Variants in GLI2 observed in about 807,000 individuals in gnomAD.
GLI2 encodes the protein GLI family zinc finger 2.
In GLI2, 22 loss-of-function variants were observed where a neutral mutation model predicts 78.9. The observed-to-expected ratio is 0.28, with a 90% CI of 0.20 to 0.40. The LOEUF (loss-of-function observed/expected upper bound fraction) is 0.40, where lower values mean the gene tolerates loss of function less well. Ranked by LOEUF, GLI2 falls within the 10% of genes least tolerant of loss-of-function variation. The pLI, the probability that GLI2 is intolerant of heterozygous loss-of-function variation, is 1.00. For synonymous variants in GLI2, 974 were observed against 963.7 expected, an observed-to-expected ratio of 1.01 and a Z score of -0.20; for missense variants, 2,097 against 2,213.2, an observed-to-expected ratio of 0.95 and a Z score of 1.05.
intron 2 of GLI2, among the ~76,000 whole-genome samples, chr2:120,844,011 A>C (rs995234960): frequency 1.2e-4 from 18 of 152,062 alleles, no homozygotes; most frequent in African/African-American, 4.3e-4. Flanking sequence ...CCCCGGCAGG[A>C]CCCATCTCTC....
intron 2 of GLI2, among the ~76,000 whole-genome samples, chr2:120,917,020 C>T (rs895021986): frequency 1.2e-4 from 18 of 152,152 alleles, no homozygotes; most frequent in Non-Finnish European, 2.1e-4. Flanking sequence ...TAGGAGAGAG[C>T]AGAGTCTTGC....
intron 5 of GLI2, among the ~76,000 whole-genome samples, chr2:120,955,663 G>T (rs1681226227): frequency 6.6e-6 from 1 of 152,206 alleles, no homozygotes; most frequent in Non-Finnish European, 1.5e-5. Context: ...AAACAAAGCT[G>T]GAACTTACAG....
intron 2 of GLI2, among the ~76,000 whole-genome samples, chr2:120,877,497 G>A (rs924054087): frequency 2.0e-5 from 3 of 152,128 alleles, no homozygotes; most frequent in East Asian, 3.9e-4. Flanking sequence ...ACCATGAGCC[G>A]AAGCCCCCCT....
chr2:120,964,777 T>G (rs1006698307), intron 5 of GLI2, among the ~76,000 whole-genome samples: 1 of 152,204 alleles, frequency 6.6e-6, no homozygotes, highest in African/African-American at 2.4e-5. Context: ...CCACTGAAAG[T>G]GGGAGGTCGA....
At position 120,939,884 on chromosome 2, in the gene GLI2, A is replaced by C. The variant is rs899954444; in HGVS notation, c.255-11359A>C. Among the ~76,000 whole-genome samples, 8 of 152,356 alleles carry C rather than the reference A, an allele frequency of 5.3e-5. No individual in the cohort carries two copies. In the South Asian group the frequency reaches 1.7e-3, roughly 32 times the overall value. On this transcript the variant is annotated intron_variant, in intron 3 of 13. Transcript: ENST00000361492. ...TTTGCTAACACTCACTCCCACCAGC[A>C]GAGTTTGAGAGCTGGCCTTGCCCTG...
At chr2:120,849,327 T>C (rs1164253369) in intron 2 of GLI2, among the ~76,000 whole-genome samples, 2 of 152,206 alleles carry the variant, frequency 1.3e-5, no homozygotes, top group African/African-American at 4.8e-5. Context: ...TCTTATGTTA[T>C]ATATATTTTA....
At chr2:120,764,600 G>A (rs1683313627) in intron 1 of GLI2, among the ~76,000 whole-genome samples, 1 of 152,184 alleles carries the variant, frequency 6.6e-6, no homozygotes, top group African/African-American at 2.4e-5. Context: ...TTGTAGAAGG[G>A]AACAGGGTTG....
chr2:120,968,670 C>CCA, intron 5 of GLI2, 44 bp from the exon 6 acceptor site: 1 of 1,381,716 alleles, frequency 7.2e-7, no homozygotes, highest in Non-Finnish European at 1.0e-6. Flanking sequence ...CCCCCTCCCC[C>CCA]ATCCCCAGTG....
At position 120,837,135 on chromosome 2, in the gene GLI2, C is replaced by T. The variant is rs188055068; in HGVS notation, c.148+39667C>T. Reference sequence around the variant, plus strand: ...TTAGGCCGGGCGCGGTGGCTCACGCCTGTAATCCCAGCACTTTGGGAGGCC... The same window carrying T: ...TTAGGCCGGGCGCGGTGGCTCACGCTTGTAATCCCAGCACTTTGGGAGGCC... On this transcript the variant is annotated intron_variant, in intron 2 of 13. Transcript: ENST00000361492. 2.2e-3 allele frequency among the ~76,000 whole-genome samples: 333 copies of T among 152,294 alleles called. 2 individuals carry two copies. The highest frequency in any genetic ancestry group is 7.5e-3 in the African/African-American group (311 of 41,548).
chr2:120,849,444 A>G (rs1687297416), intron 2 of GLI2, among the ~76,000 whole-genome samples: 1 of 151,686 alleles, frequency 6.6e-6, no homozygotes, highest in Admixed American at 6.6e-5. Context: ...GCCAATAGTG[A>G]TGATGATGAT....
intron 1 of GLI2, among the ~76,000 whole-genome samples, chr2:120,764,012 A>G (rs1390975515): frequency 2.0e-5 from 3 of 152,078 alleles, no homozygotes; most frequent in Non-Finnish European, 4.4e-5. Context: ...GAACTTTCCT[A>G]CCGGGTCCCA....
intron 3 of GLI2, among the ~76,000 whole-genome samples, chr2:120,930,505 TG>T (rs1679899312): frequency 6.6e-6 from 1 of 152,204 alleles, no homozygotes; most frequent in African/African-American, 2.4e-5. Flanking sequence ...GTATGGACCA[TG>T]GGTCCCTCTG....
At chr2:120,837,160 C>T (rs566482206) in intron 2 of GLI2, among the ~76,000 whole-genome samples, 2 of 151,994 alleles carry the variant, frequency 1.3e-5, no homozygotes, top group East Asian at 1.9e-4. Flanking sequence ...TTTGGGAGGC[C>T]GAGGCGGGCG....
At chr2:120,949,632 G>T (rs1448957808) in intron 3 of GLI2, among the ~76,000 whole-genome samples, 1 of 152,240 alleles carries the variant, frequency 6.6e-6, no homozygotes, top group African/African-American at 2.4e-5. Context: ...ACAGTATAGG[G>T]TGCAGGAAGG....
At chr2:120,743,875 TC>T (rs1389048599) in intron 1 of GLI2, among the ~76,000 whole-genome samples, 1 of 152,178 alleles carries the variant, frequency 6.6e-6, no homozygotes, top group Non-Finnish European at 1.5e-5. Context: ...GGTGGGAAGA[TC>T]AGAGTCTGGA....
At chr2:120,921,267 T>G (rs7606382) in intron 2 of GLI2, among the ~76,000 whole-genome samples, 18,920 of 148,460 alleles carry the variant, frequency 0.13, 3,125 homozygotes, top group African/African-American at 0.41. Context: ...TGTGTGTTGG[T>G]GGGGGGTGTT....
intron 1 of GLI2, among the ~76,000 whole-genome samples, chr2:120,782,283 AT>A (rs1683871681): frequency 6.6e-6 from 1 of 152,150 alleles, no homozygotes; most frequent in African/African-American, 2.4e-5. Flanking sequence ...CAGGTGTTTT[AT>A]GGCAGGTGGT....
In GLI2 at chr2:120,798,009, C is replaced by T. The variant is rs143206469; in HGVS notation, c.148+541C>T. Reference sequence around the variant, plus strand: ...TTACTGCCCCAAAGAGAAAGACTCTCTGGTTTCTACTGGGCCATCCGTGCC... The same window carrying T: ...TTACTGCCCCAAAGAGAAAGACTCTTTGGTTTCTACTGGGCCATCCGTGCC... On this transcript the variant is annotated intron_variant, in intron 2 of 13. Coordinates refer to ENST00000361492, the MANE Select transcript of GLI2 (RefSeq NM_001374353.1). Among the ~76,000 whole-genome samples, 112 of 152,342 alleles carry T rather than the reference C, an allele frequency of 7.4e-4. 6 individuals are homozygous for T. The East Asian group carries it at 0.014, about 19-fold the overall frequency.
At chr2:120,794,684 G>T (rs1684303621) in intron 1 of GLI2, among the ~76,000 whole-genome samples, 1 of 152,142 alleles carries the variant, frequency 6.6e-6, no homozygotes, top group Admixed American at 6.5e-5. Context: ...CAGGTGGCTG[G>T]TGTGGTGGTG....
Sources: allele counts gnomAD v4.1 joint callset (sites outside exome capture counted in the v4.1 genomes callset), GRCh38; gene constraint gnomAD v4.1.1; transcripts MANE v1.5; gene names NCBI Gene and HGNC (gene_info 2026-07-23, HGNC 2026-07-21).